Variants in NHSL1 observed in about 807,000 individuals in gnomAD.
The protein encoded by NHSL1 is NHS like 1.
In NHSL1, 48 loss-of-function variants were observed where a neutral mutation model predicts 95.0. That is an observed-to-expected ratio of 0.51 (90% CI 0.40 to 0.64). The LOEUF (loss-of-function observed/expected upper bound fraction) is 0.64, where lower values mean the gene tolerates loss of function less well. NHSL1 is among the 30% of genes least tolerant of loss of function. NHSL1 has a pLI of 0.00. For synonymous variants in NHSL1, 783 were observed against 833.9 expected, an observed-to-expected ratio of 0.94 and a Z score of 1.05; for missense variants, 1,971 against 2,077.7, an observed-to-expected ratio of 0.95 and a Z score of 1.00.
chr6:138,630,665 G>A (rs745953774), intron 1 of NHSL1, among the ~76,000 whole-genome samples: 3 of 152,172 alleles, frequency 2.0e-5, no homozygotes, highest in Non-Finnish European at 4.4e-5. Context: ...GATTACAGGC[G>A]TGAGTAACGC....
intron 1 of NHSL1, among the ~76,000 whole-genome samples, chr6:138,603,642 T>G (rs76996040): frequency 0.012 from 1,757 of 152,294 alleles, 26 homozygotes; most frequent in African/African-American, 0.04. Context: ...TATAAATTAT[T>G]GTAGATATAG....
chr6:138,553,587 T>C (rs1275821769), intron 1 of NHSL1, among the ~76,000 whole-genome samples: 1 of 152,176 alleles, frequency 6.6e-6, no homozygotes, highest in Non-Finnish European at 1.5e-5. Flanking sequence ...TGCTATTTCA[T>C]CCAAAAGCAA....
chr6:138,682,450 T>C (rs1292286326), intron 1 of NHSL1, among the ~76,000 whole-genome samples: 2 of 152,194 alleles, frequency 1.3e-5, no homozygotes, highest in Non-Finnish European at 2.9e-5. Flanking sequence ...CAAAATGCAA[T>C]TTAAATTGGC....
intron 1 of NHSL1, chr6:138,512,306 C>T (rs771711187): frequency 1.3e-5 from 6 of 455,694 alleles, no homozygotes; most frequent in South Asian, 7.8e-5. Flanking sequence ...AAAGAGGAAT[C>T]GGTCACAGAC....
At chr6:138,512,687 A>C (rs1781287490) in intron 1 of NHSL1, among the ~76,000 whole-genome samples, 1 of 152,220 alleles carries the variant, frequency 6.6e-6, no homozygotes, top group Non-Finnish European at 1.5e-5. Flanking sequence ...GAGAGAAACA[A>C]AATGTGTAGA....
At chr6:138,593,748 T>C (rs1370032452) in intron 1 of NHSL1, among the ~76,000 whole-genome samples, 1 of 152,182 alleles carries the variant, frequency 6.6e-6, no homozygotes, top group Non-Finnish European at 1.5e-5. Flanking sequence ...GGTCAAAGAT[T>C]ATAGTATTTA....
chr6:138,541,383 A>G (rs1339404769), intron 1 of NHSL1, among the ~76,000 whole-genome samples: 3 of 152,284 alleles, frequency 2.0e-5, no homozygotes, highest in African/African-American at 7.2e-5. Flanking sequence ...AATAAGAATA[A>G]AAGCAACATC....
At chr6:138,456,712 T>C (rs759517345) in intron 3 of NHSL1, among the ~76,000 whole-genome samples, 7 of 152,148 alleles carry the variant, frequency 4.6e-5, no homozygotes, top group Non-Finnish European at 1.0e-4. Flanking sequence ...TCACAGTAAG[T>C]ATTTTCGCAC....
chr6:138,546,427 C>CAAAAAAAAAAAAAAAA (rs1177720465), upstream of NHSL1, among the ~76,000 whole-genome samples: 5 of 50,950 alleles, frequency 9.8e-5, no homozygotes, highest in African/African-American at 3.1e-4. Flanking sequence ...CCCATCTCTA[C>CAAAAAAAAAAAAAAAA]AAAAAAAAAA....
At chr6:138,570,183 A>C (rs1405310641) in intron 1 of NHSL1, among the ~76,000 whole-genome samples, 1 of 152,224 alleles carries the variant, frequency 6.6e-6, no homozygotes, top group Non-Finnish European at 1.5e-5. Context: ...TCATGCTCAC[A>C]TGTATACAGT....
rs190099148 is a variant in NHSL1, at chr6:138,515,211, T to C, written c.17-18840A>G. On this transcript the variant is annotated intron_variant, in intron 1 of 4. Coordinates refer to the NHSL1 transcript ENST00000342260. ...AATATTTTCAGATCTCAGTTGACCA[T>C]GGGTAACTGAAACCACGAGAAGCAA... is the stretch of plus-strand genomic sequence containing the variant. 7.2e-3 allele frequency among the ~76,000 whole-genome samples: 1,096 copies of C among 152,292 alleles called. 10 individuals are homozygous for C. Among genetic ancestry groups the C allele is most frequent in the Non-Finnish European group, 0.013 (880 of 68,014 alleles).
At chr6:138,537,984 G>A (rs1056406892) in intron 1 of NHSL1, among the ~76,000 whole-genome samples, 35 of 152,130 alleles carry the variant, frequency 2.3e-4, no homozygotes, top group African/African-American at 7.7e-4. Context: ...TCATCAACAC[G>A]CAATGAAATA....
intron 1 of NHSL1, among the ~76,000 whole-genome samples, chr6:138,648,824 G>T (rs140417204): frequency 3.6e-4 from 55 of 151,984 alleles, no homozygotes; most frequent in Middle Eastern, 6.8e-3. Flanking sequence ...GAAGAGGCAA[G>T]AATTTTTTTT....
intron 1 of NHSL1, among the ~76,000 whole-genome samples, chr6:138,508,381 G>C (rs1781065843): frequency 6.6e-6 from 1 of 152,174 alleles, no homozygotes; most frequent in Non-Finnish European, 1.5e-5. Flanking sequence ...GCTGATGTTG[G>C]AATTATTGGT....
chr6:138,688,343 G>A (rs1785614681), intron 1 of NHSL1, among the ~76,000 whole-genome samples: 1 of 150,986 alleles, frequency 6.6e-6, no homozygotes, highest in Non-Finnish European at 1.5e-5. Flanking sequence ...CAATCACACA[G>A]GGCTTAAAAA....
chr6:138,610,673 G>C (rs1784499965), intron 1 of NHSL1, among the ~76,000 whole-genome samples: 1 of 151,794 alleles, frequency 6.6e-6, no homozygotes, highest in African/African-American at 2.4e-5. Context: ...TCCACCCAAA[G>C]ACTCATAGGT....
At chr6:138,508,503 A>G (rs1264848211) in intron 1 of NHSL1, among the ~76,000 whole-genome samples, 1 of 152,178 alleles carries the variant, frequency 6.6e-6, no homozygotes, top group African/African-American at 2.4e-5. Flanking sequence ...CAAATAAGTG[A>G]CCTGCAGTGA....
intron 1 of NHSL1, among the ~76,000 whole-genome samples, chr6:138,552,683 G>C (rs776823248): frequency 6.6e-6 from 1 of 152,078 alleles, no homozygotes. Context: ...AGGTAAAGAT[G>C]AGTTTCCAAG....
intron 1 of NHSL1, among the ~76,000 whole-genome samples, chr6:138,567,806 C>T (rs755490646): frequency 1.3e-5 from 2 of 152,112 alleles, no homozygotes; most frequent in Non-Finnish European, 2.9e-5. Context: ...GGTAACATTA[C>T]TAGTCTGTAC....
Sources: gnomAD v4.1 joint callset for allele counts (sites outside exome capture counted in the v4.1 genomes callset) on GRCh38, gnomAD v4.1.1 for gene constraint, MANE v1.5 for transcripts, NCBI Gene and HGNC (gene_info 2026-07-23, HGNC 2026-07-21) for gene names.